The following TMTC1 variants were observed in gnomAD, a reference collection of about 807,000 sequenced individuals.
The protein encoded by TMTC1 is protein O-mannosyl-transferase TMTC1.
Under a neutral mutation model 104.8 loss-of-function variants are expected in TMTC1, and 73 were observed. The observed-to-expected ratio is 0.70, with a 90% CI of 0.58 to 0.85. The LOEUF is 0.85. Among genes scored for constraint, TMTC1 ranks in the 40% least tolerant of loss-of-function variants. The pLI is 0.00. For missense variants in TMTC1, 1,035 were observed against 1,096.1 expected (o/e 0.94, Z 0.79); for synonymous variants, 434 against 428.7 (o/e 1.01, Z -0.15).
At chr12:29,589,191 G>A (rs964141908) in intron 7 of TMTC1, among the ~76,000 whole-genome samples, 2 of 152,202 alleles carry the variant, frequency 1.3e-5, no homozygotes, top group Non-Finnish European at 2.9e-5. Context: ...ATTCAGTCAT[G>A]TGACCATACA....
intron 7 of TMTC1, among the ~76,000 whole-genome samples, chr12:29,587,166 G>A (rs531366187): frequency 6.6e-6 from 1 of 152,128 alleles, no homozygotes; most frequent in Non-Finnish European, 1.5e-5. Context: ...AGTCTTGGGA[G>A]GGTGTAAGTG....
chr12:29,522,614 T>C (rs1333439006), intron 11 of TMTC1, among the ~76,000 whole-genome samples: 1 of 151,986 alleles, frequency 6.6e-6, no homozygotes, highest in African/African-American at 2.4e-5. Flanking sequence ...ACAGAAATTA[T>C]ATAACAACCT....
intron 5 of TMTC1, among the ~76,000 whole-genome samples, chr12:29,663,202 C>G (rs920519706): frequency 1.3e-5 from 2 of 152,198 alleles, no homozygotes; most frequent in Non-Finnish European, 1.5e-5. Flanking sequence ...AGCTCTGCCT[C>G]TATTGTGACT....
rs1946948581 is a variant in TMTC1, at chr12:29,615,308, AC to A, written c.1129-11010del. Among the ~76,000 whole-genome samples the A allele has an allele frequency of 3.3e-5, 5 of 152,242 alleles. No individual in the cohort carries two copies. In the South Asian group the frequency reaches 1.0e-3, roughly 32 times the overall value. The stretch of plus-strand genomic sequence containing the variant: ...TCTGTCCTCCAGCTCTCCTGTAAGA[AC>A]CTTCCATGAAAGGTTCCCGCTGAGG... On this transcript the variant is annotated intron_variant, in intron 6 of 17. Coordinates refer to ENST00000539277, the MANE Select transcript of TMTC1 (RefSeq NM_001193451.2).
intron 11 of TMTC1, among the ~76,000 whole-genome samples, chr12:29,523,978 T>G (rs373391060): frequency 2.6e-5 from 4 of 152,180 alleles, no homozygotes; most frequent in Non-Finnish European, 4.4e-5. Context: ...ATGATTTTAC[T>G]TAGGTGAGTG....
chr12:29,651,472 T>C (rs954908343), intron 5 of TMTC1, among the ~76,000 whole-genome samples: 16 of 152,158 alleles, frequency 1.1e-4, no homozygotes, highest in Admixed American at 1.0e-3. Flanking sequence ...TTTTGTAATA[T>C]GTATTTGTAA....
At chr12:29,698,735 A>G (rs1244858565) in intron 5 of TMTC1, among the ~76,000 whole-genome samples, 1 of 152,226 alleles carries the variant, frequency 6.6e-6, no homozygotes, top group Non-Finnish European at 1.5e-5. Context: ...ATCCAAGTCA[A>G]TATCTCACAA....
In TMTC1 at chr12:29,582,143, T is replaced by A. The variant is rs111376767; in HGVS notation, c.1418+1264A>T. Among the ~76,000 whole-genome samples the A allele has an allele frequency of 4.4e-3, 676 of 152,370 alleles. 6 individuals carry two copies. Among genetic ancestry groups the A allele is most frequent in the African/African-American group, 0.015 (642 of 41,598 alleles). On this transcript the variant is annotated intron_variant, in intron 8 of 17. Transcript: ENST00000539277. ...CAGACTGACTTTTTGTTTTATATTT[T>A]AAAAAATGTCAAATTGCCAAGTAAA...
chr12:29,660,622 T>C (rs1381483273), intron 5 of TMTC1, among the ~76,000 whole-genome samples: 1 of 152,142 alleles, frequency 6.6e-6, no homozygotes, highest in Non-Finnish European at 1.5e-5. Context: ...AATGCTTTCA[T>C]ATATACCTTT....
At chr12:29,598,602 A>G (rs2136381506) in intron 7 of TMTC1, among the ~76,000 whole-genome samples, 1 of 152,010 alleles carries the variant, frequency 6.6e-6, no homozygotes, top group Admixed American at 6.5e-5. Context: ...ATTGAATTTT[A>G]TTTCTTCCAT....
intron 1 of TMTC1, among the ~76,000 whole-genome samples, chr12:29,775,439 T>C (rs992576657): frequency 3.3e-5 from 5 of 152,138 alleles, no homozygotes; most frequent in African/African-American, 1.2e-4. Flanking sequence ...TCAGGTTCGA[T>C]CATTCATTAG....
At chr12:29,570,040 T>C (rs1945623667) in intron 9 of TMTC1, among the ~76,000 whole-genome samples, 1 of 152,180 alleles carries the variant, frequency 6.6e-6, no homozygotes, top group African/African-American at 2.4e-5. Flanking sequence ...ACTTTTCTTT[T>C]TGAACTTGAC....
chr12:29,676,429 A>C (rs1408852489), intron 5 of TMTC1, among the ~76,000 whole-genome samples: 1 of 152,216 alleles, frequency 6.6e-6, no homozygotes, highest in Non-Finnish European at 1.5e-5. Context: ...TTACTCTGAC[A>C]AAAGAACCAA....
chr12:29,620,208 T>C (rs563022789), intron 6 of TMTC1, among the ~76,000 whole-genome samples: 2 of 152,308 alleles, frequency 1.3e-5, no homozygotes, highest in East Asian at 3.9e-4. Context: ...GTGTTTCATG[T>C]GGCTTGCCCT....
chr12:29,654,823 T>C (rs1312449114), intron 5 of TMTC1, among the ~76,000 whole-genome samples: 1 of 152,154 alleles, frequency 6.6e-6, no homozygotes, highest in Non-Finnish European at 1.5e-5. Flanking sequence ...GGATGAACCT[T>C]GATAACCTGC....
chr12:29,738,093 T>A (rs1942729178), intron 5 of TMTC1, among the ~76,000 whole-genome samples: 1 of 152,216 alleles, frequency 6.6e-6, no homozygotes, highest in Non-Finnish European at 1.5e-5. Flanking sequence ...CTGGGCCCCA[T>A]GCTAGAGTCT....
intron 6 of TMTC1, among the ~76,000 whole-genome samples, chr12:29,626,756 T>C (rs1193173699): frequency 6.6e-6 from 1 of 152,118 alleles, no homozygotes; most frequent in Non-Finnish European, 1.5e-5. Flanking sequence ...GATTTGACAA[T>C]AAGAGCATGA....
At position 29,643,994 on chromosome 12, in the gene TMTC1, TTA is replaced by T. The variant is rs1361025431; in HGVS notation, c.939-10660_939-10659del. 1.7e-3 allele frequency among the ~76,000 whole-genome samples: 119 copies of T among 69,580 alleles called. No homozygotes were observed. In the Admixed American group the frequency reaches 0.023, roughly 13 times the overall value. The allele number at this position is 69,580 out of a possible 152,430, so 45.6% of individuals were successfully genotyped here. On this transcript the variant is annotated intron_variant, in intron 5 of 17. Transcript: ENST00000539277. ...ATATAAATATATATAAATATATAAT[TTA>T]TATATAAATATAAATATATAATTTA...
At chr12:29,778,027 CA>C (rs1190759859) in intron 1 of TMTC1, among the ~76,000 whole-genome samples, 2 of 152,112 alleles carry the variant, frequency 1.3e-5, no homozygotes, top group Non-Finnish European at 2.9e-5. Context: ...CAAACTACTG[CA>C]AAAAACCTTC....
Sources: allele counts gnomAD v4.1 joint callset (sites outside exome capture counted in the v4.1 genomes callset), GRCh38; gene constraint gnomAD v4.1.1; transcripts MANE v1.5; gene names NCBI Gene and HGNC (gene_info 2026-07-23, HGNC 2026-07-21).